TBX21: variants seen among roughly 807,000 people sequenced by gnomAD.
TBX21 encodes T-box transcription factor TBX21.
Under a neutral mutation model 52.2 loss-of-function variants are expected in TBX21, and 11 were observed. The ratio of observed to expected loss-of-function variants is 0.21; its 90% CI spans 0.13 to 0.35. The LOEUF (loss-of-function observed/expected upper bound fraction) is 0.35. Among genes scored for constraint, TBX21 ranks in the 10% least tolerant of loss-of-function variants. TBX21 has a pLI of 1.00. For synonymous variants in TBX21, 300 were observed against 316.1 expected (o/e 0.95, Z 0.54); for missense variants, 625 against 755.1 (o/e 0.83, Z 2.02).
At chr17:47,739,172 C>T (rs1317177319) in intron 1 of TBX21, among the ~76,000 whole-genome samples, 2 of 152,138 alleles carry the variant, frequency 1.3e-5, no homozygotes, top group African/African-American at 2.4e-5. Context: ...TCACCACTCT[C>T]GGTTCCTTCC....
Position 47,742,510 on chromosome 17 carries a change from C to T in TBX21, c.492-100C>T, listed in dbSNP as rs1012363337. The T allele has an allele frequency of 9.3e-5, 128 of 1,381,244 alleles. No individual in the cohort carries two copies. Among genetic ancestry groups the T allele is most frequent in the Non-Finnish European group, 1.2e-4 (124 of 1,043,586 alleles). The allele number at this position is 1,381,244 out of a possible 1,614,324, so 85.6% of individuals were successfully genotyped here. A position where few individuals can be genotyped will look rare whatever the true frequency, so the allele number is the denominator to read the frequency against. On this transcript the variant is annotated intron_variant, in intron 1 of 5. Transcript: ENST00000177694. This position sits in a 1 kb window ranked among gnomAD's most constrained non-coding sequence, Gnocchi z 4.4. ...GCTGGTTCTTGTGAGTGGGAGGAAG[C>T]CGGCTACAGCACACCACTGATGCCT... is the stretch of plus-strand genomic sequence containing the variant.
At position 47,742,604 on chromosome 17, in the gene TBX21, C is replaced by A. The variant is rs914681595; in HGVS notation, c.492-6C>A. ...GGGTGCTGGGGGCTTTCTCTCTTCTCTCCAGGCGGATGTTCCCATTCCTGT... is the reference window on the plus strand; with the variant it reads ...GGGTGCTGGGGGCTTTCTCTCTTCTATCCAGGCGGATGTTCCCATTCCTGT... On this transcript the variant is annotated splice_polypyrimidine_tract_variant and splice_region_variant and intron_variant, in intron 1 of 5. Coordinates refer to ENST00000177694, the MANE Select transcript of TBX21 (RefSeq NM_013351.2). The surrounding 1 kb of genome is among the most constrained non-coding windows in gnomAD (Gnocchi z 4.4). The A allele has an allele frequency of 6.3e-7, 1 of 1,597,682 alleles. No individual in the cohort carries two copies.
At chr17:47,738,502 GC>G (rs1003750211) in intron 1 of TBX21, among the ~76,000 whole-genome samples, 2 of 152,080 alleles carry the variant, frequency 1.3e-5, no homozygotes, top group African/African-American at 4.8e-5. Context: ...ACGACACATT[GC>G]CAGAATACCC....
At position 47,745,279 on chromosome 17, in the gene TBX21, C is replaced by T. The variant is rs2032320546; in HGVS notation, c.1521C>T (p.Ser507=). The change falls in exon 6 of 6, where the codon TCC becomes TCT. Residue 507 remains serine, a synonymous_variant. Coordinates refer to ENST00000177694, the MANE Select transcript of TBX21 (RefSeq NM_013351.2). ...SKRRRVSPYP[S]SGDSSSPAGA... ...GGAGGCGCGTGTCCCCCTATCCTTCCAGTGGTGACAGCTCCTCCCCTGCTG... is the reference window on the plus strand; with the variant it reads ...GGAGGCGCGTGTCCCCCTATCCTTCTAGTGGTGACAGCTCCTCCCCTGCTG... The T allele has an allele frequency of 6.2e-7, 1 of 1,614,092 alleles. No individual in the cohort carries two copies. The highest frequency in any genetic ancestry group is 8.5e-7 in the Non-Finnish European group (1 of 1,180,036).
Position 47,733,597 on chromosome 17 carries a change from G to C in TBX21, c.143G>C (p.Arg48Pro). 6.9e-7 allele frequency: 1 copy of C among 1,452,894 alleles called. No homozygotes were observed. Among genetic ancestry groups the C allele is most frequent in the Non-Finnish European group, 9.0e-7 (1 of 1,111,150 alleles). The allele number at this position is 1,452,894 out of a possible 1,614,324, so 90.0% of individuals were successfully genotyped here. Residue 48 changes from arginine (R) to proline (P), a missense_variant, in exon 1 of 6, where the codon CGT becomes CCT. By Grantham distance (103) the Arg-to-Pro change is moderately radical (BLOSUM62 -2). Around this residue, in one of 4 missense-constraint regions of TBX21, gnomAD observed 221 missense variants for 204.9 expected, o/e 1.08. Transcript: ENST00000177694. This position sits in a 1 kb window ranked among gnomAD's most constrained non-coding sequence, Gnocchi z 6.6. ...CCGGGCGCGCAGGACGCGGACGAGCGTCGCGGGGGCGGCAGCCTGGGGTCT... is the reference window on the plus strand; with the variant it reads ...CCGGGCGCGCAGGACGCGGACGAGCCTCGCGGGGGCGGCAGCCTGGGGTCT... ...PEPGAQDADE[R>P]RGGGSLGSPY...
intron 3 of TBX21, 86 bp from the exon 4 acceptor site, chr17:47,744,109 T>C: frequency 6.5e-7 from 1 of 1,538,488 alleles, no homozygotes; most frequent in Non-Finnish European, 8.8e-7. Context: ...CTTGCTAGCC[T>C]CACGTGGGGC....
Position 47,742,583 on chromosome 17 carries a change from G to A in TBX21, c.492-27G>A. ...GGCTGTCAAGCTGGAGCTGATGGGT[G>A]CTGGGGGCTTTCTCTCTTCTCTCCA... On this transcript the variant is annotated intron_variant, in intron 1 of 5. Transcript: ENST00000177694. The surrounding 1 kb of genome is among the most constrained non-coding windows in gnomAD (Gnocchi z 4.4). The A allele has an allele frequency of 6.3e-7, 1 of 1,581,514 alleles. No homozygotes were observed. The highest frequency in any genetic ancestry group is 1.2e-5 in the South Asian group (1 of 86,112).
In TBX21 at chr17:47,744,888, C is replaced by A. The variant is rs199527603; in HGVS notation, c.1130C>A (p.Ala377Glu). The change falls in exon 6 of 6, where the codon GCG becomes GAG. Residue 377 changes from alanine to glutamate, a missense_variant. Physicochemically the swap from Ala to Glu is moderately radical, Grantham distance 107. Coordinates refer to ENST00000177694, the MANE Select transcript of TBX21 (RefSeq NM_013351.2). ...TTCTACCCCGACCTTCCTGGCCAGG[C>A]GAAGGATGTGGTTCCCCAGGCTTAC... ...SRFYPDLPGQ[A>E]KDVVPQAYWL... The A allele has an allele frequency of 6.2e-7, 1 of 1,614,212 alleles. No individual in the cohort carries two copies.
intron 5 of TBX21, 50 bp downstream of exon 5, chr17:47,744,593 C>T (rs368425299): frequency 1.2e-6 from 2 of 1,610,852 alleles, no homozygotes; most frequent in African/African-American, 1.3e-5. Flanking sequence ...GAGACACATC[C>T]TCTCCCTGCC....
rs1567921628 is a variant in TBX21, at chr17:47,744,499, T to C, written c.945T>C (p.Ile315=). ...YQNAEITQLK[I]DNNPFAKGFR... Reference sequence around the variant, plus strand: ...CTCTCTAGATTACTCAGCTGAAAATTGATAATAACCCCTTTGCCAAAGGAT... The same window carrying C: ...CTCTCTAGATTACTCAGCTGAAAATCGATAATAACCCCTTTGCCAAAGGAT... The change falls in exon 5 of 6, where the codon ATT becomes ATC. Residue 315 remains isoleucine (I), a synonymous_variant. Coordinates refer to ENST00000177694, the MANE Select transcript of TBX21 (RefSeq NM_013351.2). 6.2e-7 allele frequency: 1 copy of C among 1,614,098 alleles called. No homozygotes were observed. Among genetic ancestry groups the C allele is most frequent in the Admixed American group, 1.7e-5 (1 of 60,018 alleles).
In TBX21 at chr17:47,733,278, G is replaced by A. The variant is rs1270493022; in HGVS notation, c.-177G>A. ...GGAGAGGAAGCCCGAGAGCTGCCGC[G>A]CGCCTGCCGGACGAGGGCGTAGAAG... is the stretch of plus-strand genomic sequence containing the variant. On this transcript the variant is annotated 5_prime_UTR_variant, in exon 1 of 6. Coordinates refer to ENST00000177694, the MANE Select transcript of TBX21 (RefSeq NM_013351.2). This position sits in a 1 kb window ranked among gnomAD's most constrained non-coding sequence, Gnocchi z 6.6. 4.7e-6 allele frequency: 4 copies of A among 850,838 alleles called. No homozygotes were observed. Among genetic ancestry groups the A allele is most frequent in the Non-Finnish European group, 1.6e-6 (1 of 608,718 alleles). The allele number at this position is 850,838 out of a possible 1,614,324, so 52.7% of individuals were successfully genotyped here.
intron 3 of TBX21, 131 bp downstream of exon 3, chr17:47,743,323 T>A: frequency 7.1e-6 from 9 of 1,273,736 alleles, no homozygotes; most frequent in Non-Finnish European, 8.6e-6. Context: ...GGAAGGTTCG[T>A]TTTTCTTCTG....
intron 1 of TBX21, among the ~76,000 whole-genome samples, chr17:47,734,529 G>A (rs935848640): frequency 6.8e-6 from 1 of 146,570 alleles, no homozygotes; most frequent in Non-Finnish European, 1.5e-5. Context: ...TTTCCTTTCC[G>A]GTCTTACTTT....
In TBX21 at chr17:47,744,466, T is replaced by G. The variant is rs755422916; in HGVS notation, c.928-16T>G. The G allele has an allele frequency of 6.2e-7, 1 of 1,614,174 alleles. No homozygotes were observed. The highest frequency in any genetic ancestry group is 1.1e-5 in the South Asian group (1 of 91,090). Reference sequence around the variant, plus strand: ...CAGACTCAGGACTCAGGTGACTCTATTTCCCTTCTCTCTAGATTACTCAGC... The same window carrying G: ...CAGACTCAGGACTCAGGTGACTCTAGTTCCCTTCTCTCTAGATTACTCAGC... On this transcript the variant is annotated splice_polypyrimidine_tract_variant and intron_variant, in intron 4 of 5. Coordinates refer to ENST00000177694, the MANE Select transcript of TBX21 (RefSeq NM_013351.2).
chr17:47,743,214 G>T, intron 3 of TBX21, 22 bp downstream of exon 3: 1 of 1,613,152 alleles, frequency 6.2e-7, no homozygotes, highest in Non-Finnish European at 8.5e-7. Flanking sequence ...TCTTCAAAAG[G>T]TAGCCTCGCC....
At chr17:47,743,341 C>T (rs11657388) in intron 3 of TBX21, 149 bp downstream of exon 3, 4 of 1,106,052 alleles carry the variant, frequency 3.6e-6, no homozygotes, top group Admixed American at 2.9e-5. Context: ...CTGTCCTAAA[C>T]GAAGGGTCAT....
Position 47,733,400 on chromosome 17 carries a change from C to T in TBX21, c.-55C>T. ...CCCATCCCAGCCCACGCGACCCTCT[C>T]GCGCGCGGAGGGGCGGGTCCTCGAC... On this transcript the variant is annotated 5_prime_UTR_variant, in exon 1 of 6. Transcript: ENST00000177694. This position sits in a 1 kb window ranked among gnomAD's most constrained non-coding sequence, Gnocchi z 6.6. The T allele has an allele frequency of 2.1e-6, 3 of 1,426,150 alleles. No homozygotes were observed. The highest frequency in any genetic ancestry group is 2.7e-6 in the Non-Finnish European group (3 of 1,096,426). The allele number at this position is 1,426,150 out of a possible 1,614,324, so 88.3% of individuals were successfully genotyped here.
Position 47,745,557 on chromosome 17 carries a change from C to A in TBX21, c.*191C>A. 1 of 705,570 alleles carries A rather than the reference C, an allele frequency of 1.4e-6. No individual in the cohort carries two copies. Among genetic ancestry groups the A allele is most frequent in the Non-Finnish European group, 2.2e-6 (1 of 448,186 alleles). 43.7% of individuals were successfully genotyped at this position (705,570 alleles called of 1,614,324 possible). On this transcript the variant is annotated 3_prime_UTR_variant, in exon 6 of 6. Transcript: ENST00000177694. ...AGATGCTTCCTGGCCCACGATGAAA[C>A]CTGAGAGGGGTGTCCCCTTGCCCCA...
Position 47,742,554 on chromosome 17 carries a change from G to C in TBX21, c.492-56G>C, listed in dbSNP as rs549387526. Reference sequence around the variant, plus strand: ...GATGCCTGGGCACTGTTGCAGGGGGGACTGGCTGTCAAGCTGGAGCTGATG... The same window carrying C: ...GATGCCTGGGCACTGTTGCAGGGGGCACTGGCTGTCAAGCTGGAGCTGATG... On this transcript the variant is annotated intron_variant, in intron 1 of 5. Coordinates refer to ENST00000177694, the MANE Select transcript of TBX21 (RefSeq NM_013351.2). The surrounding 1 kb of genome is among the most constrained non-coding windows in gnomAD (Gnocchi z 4.4). The C allele has an allele frequency of 2.6e-4, 391 of 1,524,560 alleles. 1 individual carries two copies. In the African/African-American group the frequency reaches 4.2e-3, roughly 16 times the overall value. The allele number at this position is 1,524,560 out of a possible 1,614,324, so 94.4% of individuals were successfully genotyped here.
Sources: allele counts gnomAD v4.1 joint callset (sites outside exome capture counted in the v4.1 genomes callset), GRCh38; gene constraint gnomAD v4.1.1; regional missense constraint gnomAD v4.1.1; non-coding constraint Gnocchi (gnomAD v3.1); transcripts MANE v1.5; gene names NCBI Gene and HGNC (gene_info 2026-07-23, HGNC 2026-07-21).